Variants in OGG1 observed in about 807,000 individuals in gnomAD.
The protein encoded by OGG1 is 8-oxoguanine DNA glycosylase.
OGG1 carries 35 observed loss-of-function variants against 42.3 expected under a neutral mutation model. That is an observed-to-expected ratio of 0.83 (90% confidence interval 0.63 to 1.10). The LOEUF is 1.10. Among genes scored for constraint, OGG1 ranks in the 50% least tolerant of loss-of-function variants. OGG1 has a pLI of 0.00. For missense variants in OGG1, 484 were observed against 446.7 expected, an observed-to-expected ratio of 1.08 and a Z score of -0.75; for synonymous variants, 189 against 179.0, an observed-to-expected ratio of 1.06 and a Z score of -0.44.
downstream of OGG1, among the ~76,000 whole-genome samples, chr3:9,767,017 C>T (rs562588778): frequency 6.6e-6 from 1 of 152,266 alleles, no homozygotes; most frequent in East Asian, 1.9e-4. Context: ...TGATTTTAAG[C>T]TCCATCACAC....
chr3:9,781,665 A>G, intron 3 of OGG1: 1 of 435,424 alleles, frequency 2.3e-6, no homozygotes, highest in East Asian at 7.3e-5. Context: ...TCGATGGTGG[A>G]GCTGGAAGGT....
intron 2 of OGG1, among the ~76,000 whole-genome samples, chr3:9,775,031 C>G (rs1200533879): frequency 6.6e-6 from 1 of 150,898 alleles, no homozygotes; most frequent in East Asian, 1.9e-4. Context: ...AGGAGGATCA[C>G]TTGAGCCCAG....
At chr3:9,752,032 C>T (rs990988103) in intron 3 of OGG1, 83 bp downstream of exon 3, 2 of 1,329,952 alleles carry the variant, frequency 1.5e-6, no homozygotes, top group African/African-American at 1.4e-5. Context: ...CTTCTCAAGG[C>T]TTCCTGCCTT....
chr3:9,775,344 G>A (rs963131799), intron 2 of OGG1, among the ~76,000 whole-genome samples: 1 of 152,196 alleles, frequency 6.6e-6, no homozygotes, highest in African/African-American at 2.4e-5. Flanking sequence ...GCTATCAAAT[G>A]TATGGAGAGT....
At chr3:9,763,293 T>A (rs2077978657) in intron 7 of OGG1, 5 of 1,579,876 alleles carry the variant, frequency 3.2e-6, no homozygotes, top group Non-Finnish European at 4.3e-6. Context: ...CTTGGGAGGC[T>A]GAGGCAGGAG....
At chr3:9,785,309 C>A in intron 3 of OGG1, 19 of 1,609,052 alleles carry the variant, frequency 1.2e-5, no homozygotes, top group Non-Finnish European at 1.5e-5. Flanking sequence ...GATAGGACAC[C>A]ACTCACCTGA....
rs752906254 is a variant in OGG1, at chr3:9,763,196, A to G, written c.1049-2613A>G. On this transcript the variant is annotated intron_variant, in intron 7 of 7. Coordinates refer to the OGG1 transcript ENST00000302008. ...CTCATAGATGTCATCCAGGGCTACA[A>G]TGTTGGGGTGCTTGATCCTGAAAGG... The G allele has an allele frequency of 2.3e-5, 37 of 1,613,832 alleles. No individual in the cohort carries two copies. Among genetic ancestry groups the G allele is most frequent in the Admixed American group, 1.0e-4 (6 of 60,000 alleles).
At chr3:9,785,171 G>A (rs1375320960) in intron 3 of OGG1, 2 of 598,938 alleles carry the variant, frequency 3.3e-6, no homozygotes, top group South Asian at 2.3e-5. Context: ...AGACACGCTG[G>A]GTCATCACTC....
intron 4 of OGG1, among the ~76,000 whole-genome samples, chr3:9,755,410 G>A (rs1427768757): frequency 6.6e-6 from 1 of 150,954 alleles, no homozygotes; most frequent in Admixed American, 6.6e-5. Flanking sequence ...AAAACTTTTT[G>A]CTTGATGTCA....
intron 2 of OGG1, among the ~76,000 whole-genome samples, chr3:9,775,754 C>T (rs746857510): frequency 2.0e-5 from 3 of 152,096 alleles, no homozygotes; most frequent in Non-Finnish European, 4.4e-5. Flanking sequence ...ATTCTCCTGC[C>T]TCAGCCTCCC....
chr3:9,778,342 C>T (rs1559713133), intron 2 of OGG1, among the ~76,000 whole-genome samples: 1 of 152,220 alleles, frequency 6.6e-6, no homozygotes, highest in Non-Finnish European at 1.5e-5. Flanking sequence ...GGAGGCAGGG[C>T]CTCATGCTGT....
At chr3:9,753,518 G>T (rs766389748) in intron 3 of OGG1, among the ~76,000 whole-genome samples, 1 of 151,970 alleles carries the variant, frequency 6.6e-6, no homozygotes, top group Admixed American at 6.5e-5. Context: ...GCCGGGTGTG[G>T]TGGTGGGCGC....
At chr3:9,757,988 CAA>C, downstream of OGG1, 1 of 1,385,248 alleles carries the variant, frequency 7.2e-7, no homozygotes. This position sits in a 1 kb window ranked among gnomAD's most constrained non-coding sequence, Gnocchi z 4.5. Context: ...TAAAGCCCCC[CAA>C]AAACCTCTAC....
chr3:9,784,193 A>T, intron 3 of OGG1: 1 of 1,613,778 alleles, frequency 6.2e-7, no homozygotes, highest in Non-Finnish European at 8.5e-7. Flanking sequence ...GCGGCTCTCC[A>T]GGGACTTAGT....
chr3:9,772,123 G>C (rs528497166), intron 2 of OGG1, among the ~76,000 whole-genome samples: 1 of 152,156 alleles, frequency 6.6e-6, no homozygotes, highest in Non-Finnish European at 1.5e-5. Flanking sequence ...CAGCTGACTT[G>C]TACAGCTTCT....
At chr3:9,789,705 C>A (rs780299109), downstream of OGG1, 1 of 1,611,650 alleles carries the variant, frequency 6.2e-7, no homozygotes, top group Non-Finnish European at 8.5e-7. Flanking sequence ...TGTTCTCTAG[C>A]CCAGAACCTG....
At position 9,784,805 on chromosome 3, in the gene OGG1, A is replaced by C. The variant is rs1038779949; in HGVS notation, c.383-2923A>C. On this transcript the variant is annotated intron_variant, in intron 3 of 3. Transcript: ENST00000426518. Reference sequence around the variant, plus strand: ...CTTGAACCTGGGAGGCGGAGGTTGCAGTGAGCCAAGATTGCGCCATTGCGC... The same window carrying C: ...CTTGAACCTGGGAGGCGGAGGTTGCCGTGAGCCAAGATTGCGCCATTGCGC... 6.6e-5 allele frequency among the ~76,000 whole-genome samples: 10 copies of C among 151,994 alleles called. No homozygotes were observed. The East Asian group carries it at 1.9e-3, about 29-fold the overall frequency.
chr3:9,754,959 G>A, intron 4 of OGG1, 74 bp downstream of exon 4: 1 of 1,315,130 alleles, frequency 7.6e-7, no homozygotes, highest in South Asian at 1.3e-5. Context: ...CCAAGCCTGG[G>A]AGCTGGGTGG....
intron 3 of OGG1, among the ~76,000 whole-genome samples, chr3:9,784,728 G>A (rs963722534): frequency 1.3e-5 from 2 of 151,996 alleles, no homozygotes; most frequent in Non-Finnish European, 2.9e-5. Flanking sequence ...AGCCATACAT[G>A]GTGGCAGGCG....
Sources: gnomAD v4.1 joint callset for allele counts (sites outside exome capture counted in the v4.1 genomes callset) on GRCh38, gnomAD v4.1.1 for gene constraint, Gnocchi (gnomAD v3.1) non-coding constraint, MANE v1.5 for transcripts, NCBI Gene and HGNC (gene_info 2026-07-23, HGNC 2026-07-21) for gene names.